ZNF516: variants seen among roughly 807,000 people sequenced by gnomAD.
The protein encoded by ZNF516 is zinc finger protein 516.
Under a neutral mutation model 79.7 loss-of-function variants are expected in ZNF516, and 19 were observed. That is an observed-to-expected ratio of 0.24 (90% CI 0.17 to 0.35). The LOEUF (loss-of-function observed/expected upper bound fraction) is 0.35, where lower values mean the gene tolerates loss of function less well. Among genes scored for constraint, ZNF516 ranks in the 10% least tolerant of loss-of-function variants. The pLI is 1.00. For synonymous variants in ZNF516, 877 were observed against 739.5 expected (o/e 1.19, Z -3.02); for missense variants, 1,678 against 1,679.5 (o/e 1.00, Z 0.02).
intron 3 of ZNF516, among the ~76,000 whole-genome samples, chr18:76,405,729 CCGCTGACACA>C: frequency 6.6e-6 from 1 of 152,058 alleles, no homozygotes; most frequent in Non-Finnish European, 1.5e-5. Context: ...GTTGGTGACT[CCGCTGACACA>C]CGCGTGATGA....
Position 76,443,102 on chromosome 18 carries a change from C to G in ZNF516, c.-48G>C. On this transcript the variant is annotated 5_prime_UTR_variant, in exon 3 of 7. Coordinates refer to ENST00000443185, the MANE Select transcript of ZNF516 (RefSeq NM_014643.4). The stretch of plus-strand genomic sequence containing the variant: ...GGTGGCGGCACAGCTTTCTGTCGCG[C>G]GGGCTGCAGGGACCGTCCTATCTCT... 2 of 1,529,470 alleles carry G rather than the reference C, an allele frequency of 1.3e-6. No individual in the cohort carries two copies. Among genetic ancestry groups the G allele is most frequent in the Middle Eastern group, 1.9e-4 (1 of 5,196 alleles). The allele number at this position is 1,529,470 out of a possible 1,614,324, so 94.7% of individuals were successfully genotyped here.
chr18:76,485,891 G>T (rs1026173549), intron 1 of ZNF516, among the ~76,000 whole-genome samples: 6 of 142,576 alleles, frequency 4.2e-5, no homozygotes, highest in South Asian at 2.3e-4. Flanking sequence ...AAAAGATGGG[G>T]ACAAAAGCTG....
At chr18:76,471,288 T>G (rs1350730290) in intron 1 of ZNF516, among the ~76,000 whole-genome samples, 3 of 150,862 alleles carry the variant, frequency 2.0e-5, no homozygotes, top group Non-Finnish European at 2.9e-5. Context: ...TTTCAGGGAC[T>G]TTTCTGCCTT....
intron 1 of ZNF516, among the ~76,000 whole-genome samples, chr18:76,481,838 ATTAAT>A (rs1914540562): frequency 6.6e-6 from 1 of 152,236 alleles, no homozygotes; most frequent in South Asian, 2.1e-4. Flanking sequence ...TAAAATTTCT[ATTAAT>A]TTAATGGGAA....
intron 4 of ZNF516, among the ~76,000 whole-genome samples, chr18:76,376,533 C>CA (rs10708911): frequency 0.055 from 7,279 of 132,742 alleles, 494 homozygotes; most frequent in African/African-American, 0.18. Context: ...CTCTCTCTTT[C>CA]AAAAAAAAAA....
chr18:76,441,787 G>T lies in ZNF516; in HGVS notation c.1268C>A (p.Thr423Lys), dbSNP rs558532980. The T allele has an allele frequency of 6.4e-7, 1 of 1,559,274 alleles. No homozygotes were observed. The highest frequency in any genetic ancestry group is 8.6e-7 in the Non-Finnish European group (1 of 1,159,090). Residue 423 changes from threonine to lysine, a missense_variant, in exon 3 of 7, where the codon ACG (threonine) becomes AAG (lysine). Around this residue, in one of 5 missense-constraint regions of ZNF516, gnomAD observed 1,294 missense variants for 1,248.3 expected, o/e 1.04. Coordinates refer to ENST00000443185, the MANE Select transcript of ZNF516 (RefSeq NM_014643.4). Reference protein sequence around the residue: ...VNSYQAWQLATRGKVAEPAEY... With the variant: ...VNSYQAWQLAKRGKVAEPAEY... ...GGCCGGCTCGGCCACCTTACCCCGCGTGGCCAGCTGCCAGGCCTGGTAGCT... is the reference window on the plus strand; with the variant it reads ...GGCCGGCTCGGCCACCTTACCCCGCTTGGCCAGCTGCCAGGCCTGGTAGCT...
At position 76,379,031 on chromosome 18, in the gene ZNF516, G is replaced by A. The variant is rs2074839170; in HGVS notation, c.3083C>T (p.Ala1028Val). The change falls in exon 4 of 7, where the codon GCC becomes GTC. Residue 1028 changes from alanine to valine, a missense_variant. Around this residue, in one of 5 missense-constraint regions of ZNF516, gnomAD observed 1,294 missense variants for 1,248.3 expected, o/e 1.04. Transcript: ENST00000443185. ...GGGCGCCCCAGCCACGCCGGGCTGG[G>A]CCTGCAAGGCCGCGTCGCCCCTGGA... is the stretch of plus-strand genomic sequence containing the variant. ...AGSRGDAALQ[A>V]QPGVAGAPPV... The A allele has an allele frequency of 6.2e-7, 1 of 1,611,262 alleles. No homozygotes were observed. Among genetic ancestry groups the A allele is most frequent in the South Asian group, 1.1e-5 (1 of 91,030 alleles).
At chr18:76,429,691 C>T (rs1361828755) in intron 3 of ZNF516, among the ~76,000 whole-genome samples, 2 of 152,264 alleles carry the variant, frequency 1.3e-5, no homozygotes, top group Admixed American at 1.3e-4. Context: ...GCAGCAGCAT[C>T]CCCCAAATCA....
At chr18:76,461,063 T>C (rs1234476346) in intron 2 of ZNF516, among the ~76,000 whole-genome samples, 1 of 152,116 alleles carries the variant, frequency 6.6e-6, no homozygotes, top group Admixed American at 6.5e-5. Context: ...ATGCCTGTAA[T>C]CCCAGCTACT....
Position 76,441,382 on chromosome 18 carries a change from G to A in ZNF516, c.1673C>T (p.Ser558Leu), listed in dbSNP as rs1188148609. The change falls in exon 3 of 7, where the codon TCA (serine) becomes TTA (leucine). Residue 558 changes from serine to leucine, a missense_variant. This residue lies in a region of ZNF516 where 1,294 missense variants were observed against 1,248.3 expected (regional missense o/e 1.04). Coordinates refer to ENST00000443185, the MANE Select transcript of ZNF516 (RefSeq NM_014643.4). Reference sequence around the variant, plus strand: ...GGAGGCCGAGTCACCCTCACTGAGTGATCCGCAGCGGGCCCGCGCCGCCCT... The same window carrying A: ...GGAGGCCGAGTCACCCTCACTGAGTAATCCGCAGCGGGCCCGCGCCGCCCT... ...GDRAARARCG[S>L]LSEGDSASQP... 2 of 1,610,378 alleles carry A rather than the reference G, an allele frequency of 1.2e-6. No homozygotes were observed. Among genetic ancestry groups the A allele is most frequent in the Non-Finnish European group, 8.5e-7 (1 of 1,178,954 alleles).
intron 6 of ZNF516, among the ~76,000 whole-genome samples, 179 bp from the exon 7 acceptor site, chr18:76,362,736 T>G (rs1237260481): frequency 2.6e-5 from 4 of 152,204 alleles, no homozygotes; most frequent in African/African-American, 9.7e-5. Context: ...TTTCATAAAA[T>G]GAGCAGCAAG....
chr18:76,443,037 C>T lies in ZNF516; in HGVS notation c.18G>A (p.Glu6=). Residue 6 remains glutamate, a synonymous_variant, in exon 3 of 7, where the codon GAG becomes GAA. Transcript: ENST00000443185. MDRNR[E]AEMELRRGPS... ...GGCCTCGCCTCAGCTCCATCTCGGC[C>T]TCTCTGTTGCGATCCATCCGAAGGA... The T allele has an allele frequency of 6.3e-7, 1 of 1,592,494 alleles. No individual in the cohort carries two copies.
At chr18:76,433,969 G>GCCAGCACCTTT (rs748866859) in intron 3 of ZNF516, among the ~76,000 whole-genome samples, 180 of 152,200 alleles carry the variant, frequency 1.2e-3, no homozygotes, top group Non-Finnish European at 2.0e-3. Context: ...CACCGCGACC[G>GCCAGCACCTTT]CCAGCACCTT....
At chr18:76,389,576 C>A (rs540301030) in intron 3 of ZNF516, among the ~76,000 whole-genome samples, 1 of 152,118 alleles carries the variant, frequency 6.6e-6, no homozygotes, top group Non-Finnish European at 1.5e-5. Context: ...GTTTCGTGTA[C>A]GGAAACGACC....
chr18:76,460,054 C>T (rs959175224), intron 2 of ZNF516, among the ~76,000 whole-genome samples: 1 of 152,232 alleles, frequency 6.6e-6, no homozygotes, highest in Non-Finnish European at 1.5e-5. Flanking sequence ...GAAAACACCG[C>T]ACTGCATTTC....
chr18:76,361,715 CAAG>C lies in ZNF516; in HGVS notation c.*780_*782del, dbSNP rs771759051. ...GTTACAAAAAGGTCCTGAGAATAAACAAGAAGCCTGCTTTTCTTAGTGTTGCGC... is the reference window on the plus strand; with the variant it reads ...GTTACAAAAAGGTCCTGAGAATAAACAAGCCTGCTTTTCTTAGTGTTGCGC... On this transcript the variant is annotated 3_prime_UTR_variant, in exon 7 of 7. Transcript: ENST00000443185. The C allele has an allele frequency of 7.9e-5, 12 of 152,266 alleles. No homozygotes were observed. The highest frequency in any genetic ancestry group is 2.4e-4 in the African/African-American group (10 of 41,462). The allele number at this position is 152,266 out of a possible 1,614,324, so 9.4% of individuals were successfully genotyped here.
intron 3 of ZNF516, among the ~76,000 whole-genome samples, chr18:76,406,855 C>A (rs778990115): frequency 6.6e-6 from 1 of 152,204 alleles, no homozygotes; most frequent in Admixed American, 6.5e-5. Context: ...CAGACCCACA[C>A]GAGCACCGCC....
intron 3 of ZNF516, among the ~76,000 whole-genome samples, chr18:76,408,754 T>C (rs2075333984): frequency 6.6e-6 from 1 of 152,234 alleles, no homozygotes; most frequent in Non-Finnish European, 1.5e-5. Context: ...AGAAAACAAC[T>C]TCCACAAAGC....
chr18:76,437,819 T>G (rs2075764007), intron 3 of ZNF516, among the ~76,000 whole-genome samples: 1 of 152,230 alleles, frequency 6.6e-6, no homozygotes, highest in African/African-American at 2.4e-5. Flanking sequence ...ACATCTATTT[T>G]TCTTTAATAT....
Sources: gnomAD v4.1 joint callset for allele counts (sites outside exome capture counted in the v4.1 genomes callset) on GRCh38, gnomAD v4.1.1 for gene constraint, gnomAD v4.1.1 regional missense constraint, MANE v1.5 for transcripts, NCBI Gene and HGNC (gene_info 2026-07-23, HGNC 2026-07-21) for gene names.